The following RCSD1 variants were observed in gnomAD, a reference collection of about 807,000 sequenced individuals.
RCSD1 encodes capZ-interacting protein.
In RCSD1, 26 loss-of-function variants were observed where a neutral mutation model predicts 42.5. The observed-to-expected ratio is 0.61, with a 90% CI of 0.45 to 0.85. The LOEUF is 0.85. Ranked by LOEUF, RCSD1 falls within the 40% of genes least tolerant of loss-of-function variation. The probability of loss-of-function intolerance (pLI) is 0.00; values close to 1 mark genes in which losing one functional copy is unlikely to be tolerated. For missense variants in RCSD1, 571 were observed against 528.3 expected (o/e 1.08, Z -0.79); for synonymous variants, 220 against 212.2 (o/e 1.04, Z -0.32).
At chr1:167,695,556 T>TTTTTTTG (rs1659479137) in intron 5 of RCSD1, among the ~76,000 whole-genome samples, 1 of 134,866 alleles carries the variant, frequency 7.4e-6, no homozygotes, top group Non-Finnish European at 1.6e-5. Flanking sequence ...TTTTTTTTTT[T>TTTTTTTG]GAGGCAAGGT....
At position 167,706,510 on chromosome 1, in the gene RCSD1, G is replaced by C. The variant is rs1659761305; in HGVS notation, c.*1814G>C. On this transcript the variant is annotated 3_prime_UTR_variant, in exon 7 of 7. Coordinates refer to ENST00000367854, the MANE Select transcript of RCSD1 (RefSeq NM_052862.4). ...GAGGAAGGCATGGAACAGAAAGTAT[G>C]GGGTTTAGATATGAAAAATGAAACT... is the stretch of plus-strand genomic sequence containing the variant. Among the ~76,000 whole-genome samples the C allele has an allele frequency of 6.6e-6, 1 of 152,168 alleles. No homozygotes were observed. The highest frequency in any genetic ancestry group is 2.1e-4 in the South Asian group (1 of 4,832).
chr1:167,679,679 C>T (rs1347972804), intron 1 of RCSD1, among the ~76,000 whole-genome samples: 1 of 152,240 alleles, frequency 6.6e-6, no homozygotes, highest in East Asian at 1.9e-4. Flanking sequence ...CAGCCCCACA[C>T]TGGGCTCTCT....
chr1:167,660,713 A>G (rs983132866), intron 1 of RCSD1, among the ~76,000 whole-genome samples: 5 of 152,062 alleles, frequency 3.3e-5, no homozygotes, highest in African/African-American at 1.2e-4. Flanking sequence ...GCTTCAAGCA[A>G]TCCTTCTGAC....
At position 167,708,585 on chromosome 1, in the gene RCSD1, G is replaced by A. The variant is rs1043914708; in HGVS notation, c.*3889G>A. Among the ~76,000 whole-genome samples the A allele has an allele frequency of 6.6e-6, 1 of 152,108 alleles. No individual in the cohort carries two copies. Among genetic ancestry groups the A allele is most frequent in the Non-Finnish European group, 1.5e-5 (1 of 68,024 alleles). ...ATTTTATGTAATAATGTATTACTGT[G>A]CCCAGAGCTAACCTGTAGCTCTAGG... is the stretch of plus-strand genomic sequence containing the variant. On this transcript the variant is annotated 3_prime_UTR_variant, in exon 7 of 7. Coordinates refer to ENST00000367854, the MANE Select transcript of RCSD1 (RefSeq NM_052862.4).
At chr1:167,656,897 T>A (rs1383290836) in intron 1 of RCSD1, among the ~76,000 whole-genome samples, 2 of 152,178 alleles carry the variant, frequency 1.3e-5, no homozygotes, top group Non-Finnish European at 2.9e-5. Context: ...GAGCTGCTGT[T>A]CAGAATTTAC....
intron 1 of RCSD1, among the ~76,000 whole-genome samples, chr1:167,647,316 C>T (rs769516343): frequency 1.4e-4 from 21 of 151,806 alleles, no homozygotes; most frequent in Admixed American, 5.9e-4. Flanking sequence ...GGGCCAAGCA[C>T]AGTGGCTCAC....
At chr1:167,702,485 T>C (rs1270853654) in intron 6 of RCSD1, among the ~76,000 whole-genome samples, 1 of 152,104 alleles carries the variant, frequency 6.6e-6, no homozygotes, top group Non-Finnish European at 1.5e-5. Flanking sequence ...TAAAATAAAT[T>C]TAGCAAGTGT....
At position 167,705,845 on chromosome 1, in the gene RCSD1, G is replaced by T. The variant is rs1257003487; in HGVS notation, c.*1149G>T. On this transcript the variant is annotated 3_prime_UTR_variant, in exon 7 of 7. Coordinates refer to ENST00000367854, the MANE Select transcript of RCSD1 (RefSeq NM_052862.4). Reference sequence around the variant, plus strand: ...GGCCTGACTACCCAGTCTTTGACTTGTATCCTCTCCCCTCTTCATACACTC... The same window carrying T: ...GGCCTGACTACCCAGTCTTTGACTTTTATCCTCTCCCCTCTTCATACACTC... 1 of 152,106 alleles carries T rather than the reference G, an allele frequency of 6.6e-6. No homozygotes were observed. The highest frequency in any genetic ancestry group is 1.5e-5 in the Non-Finnish European group (1 of 68,022). 9.4% of individuals were successfully genotyped at this position (152,106 alleles called of 1,614,324 possible).
Position 167,707,348 on chromosome 1 carries a change from T to G in RCSD1, c.*2652T>G, listed in dbSNP as rs531127500. ...CCAGTTCATCATCTTATGATTAGGT[T>G]TTCTTGATTAGGGATGTGTTTAGTA... On this transcript the variant is annotated 3_prime_UTR_variant, in exon 7 of 7. Coordinates refer to ENST00000367854, the MANE Select transcript of RCSD1 (RefSeq NM_052862.4). Among the ~76,000 whole-genome samples, 15 of 152,348 alleles carry G rather than the reference T, an allele frequency of 9.8e-5. No homozygotes were observed. The East Asian group carries it at 2.7e-3, about 27-fold the overall frequency.
At chr1:167,658,345 A>G (rs1404558867) in intron 1 of RCSD1, among the ~76,000 whole-genome samples, 2 of 152,222 alleles carry the variant, frequency 1.3e-5, no homozygotes, top group Non-Finnish European at 2.9e-5. Flanking sequence ...TTATAAAACT[A>G]GTGTTATATA....
chr1:167,689,890 C>G (rs185604749), intron 3 of RCSD1, among the ~76,000 whole-genome samples, 159 bp from the exon 4 acceptor site: 1 of 152,270 alleles, frequency 6.6e-6, no homozygotes, highest in East Asian at 1.9e-4. Flanking sequence ...GGAAAGTTCA[C>G]GTCGCCCAGG....
At chr1:167,666,395 A>AT (rs1295634381) in intron 1 of RCSD1, among the ~76,000 whole-genome samples, 9 of 152,230 alleles carry the variant, frequency 5.9e-5, no homozygotes, top group Non-Finnish European at 1.0e-4. Context: ...CATTCAGTAA[A>AT]TTAGCTGTTT....
chr1:167,665,481 A>AG (rs1348942812), intron 1 of RCSD1, among the ~76,000 whole-genome samples: 1 of 152,238 alleles, frequency 6.6e-6, no homozygotes, highest in Non-Finnish European at 1.5e-5. Context: ...GGCAAATACA[A>AG]GTAAGATTGT....
intron 1 of RCSD1, among the ~76,000 whole-genome samples, chr1:167,632,518 G>C (rs1224197597): frequency 3.3e-5 from 5 of 152,268 alleles, no homozygotes; most frequent in South Asian, 4.2e-4. Context: ...TGTGGCTTGG[G>C]GGGTGGAGGG....
Position 167,707,062 on chromosome 1 carries a change from CTG to C in RCSD1, c.*2370_*2371del, listed in dbSNP as rs1352332814. Among the ~76,000 whole-genome samples, 1 of 152,228 alleles carries C rather than the reference CTG, an allele frequency of 6.6e-6. No individual in the cohort carries two copies. The highest frequency in any genetic ancestry group is 1.5e-5 in the Non-Finnish European group (1 of 68,038). ...TTTGTAGTCTAGCTTGAATTTCAAA[CTG>C]TGTCCTTCCTTACTCCAGAGAGGGA... On this transcript the variant is annotated 3_prime_UTR_variant, in exon 7 of 7. Coordinates refer to ENST00000367854, the MANE Select transcript of RCSD1 (RefSeq NM_052862.4).
In RCSD1 at chr1:167,643,049, C is replaced by T. The variant is rs142569383; in HGVS notation, c.6+12620C>T. On this transcript the variant is annotated intron_variant, in intron 1 of 6. Coordinates refer to ENST00000367854, the MANE Select transcript of RCSD1 (RefSeq NM_052862.4). The stretch of plus-strand genomic sequence containing the variant: ...CAGGGTCAGTTACCAGCCTCAGGAT[C>T]CCGGTCAGTTCCGTGCTCTGTAAAA... Among the ~76,000 whole-genome samples the T allele has an allele frequency of 1.8e-3, 274 of 152,314 alleles. 2 individuals are homozygous for T. The highest frequency in any genetic ancestry group is 6.3e-3 in the African/African-American group (261 of 41,562).
At chr1:167,668,456 G>A (rs1218406282) in intron 1 of RCSD1, among the ~76,000 whole-genome samples, 1 of 151,930 alleles carries the variant, frequency 6.6e-6, no homozygotes, top group African/African-American at 2.4e-5. Context: ...ACTTTGCCTG[G>A]ATCACTTCTA....
intron 1 of RCSD1, among the ~76,000 whole-genome samples, chr1:167,648,298 T>C (rs1229379): frequency 0.8 from 121,548 of 152,264 alleles, 48,725 homozygotes; most frequent in African/African-American, 0.88. Flanking sequence ...TACATGTATC[T>C]TTTTCCTTCT....
rs1297432343 is a variant in RCSD1 at position 167,694,157 on chromosome 1, G to T, written c.329G>T (p.Gly110Val). 6.2e-6 allele frequency: 10 copies of T among 1,614,052 alleles called. No homozygotes were observed. Among genetic ancestry groups the T allele is most frequent in the Non-Finnish European group, 7.6e-6 (9 of 1,180,042 alleles). ...CCTGGGGCCTCACCCAAGAGTCCTG[G>T]ACTCAAGGCTATGGTGTCGCCATTT... ...LLPGASPKSP[G>V]LKAMVSPFHS... Residue 110 changes from glycine to valine, a missense_variant, in exon 5 of 7, where the codon GGA (glycine) becomes GTA (valine). Physicochemically the swap from Gly to Val is moderately radical, Grantham distance 109 (BLOSUM62 -3). Transcript: ENST00000367854.
Sources: gnomAD v4.1 joint callset for allele counts (sites outside exome capture counted in the v4.1 genomes callset) on GRCh38, gnomAD v4.1.1 for gene constraint, MANE v1.5 for transcripts, NCBI Gene and HGNC (gene_info 2026-07-23, HGNC 2026-07-21) for gene names.